CNTN5: variants seen among roughly 807,000 people sequenced by gnomAD.
The protein encoded by CNTN5 is contactin 5.
In CNTN5, 77 loss-of-function variants were observed where a neutral mutation model predicts 129.1. The ratio of observed to expected loss-of-function variants is 0.60; its 90% CI spans 0.50 to 0.72. CNTN5 has a LOEUF of 0.72. CNTN5 is among the 30% of genes least tolerant of loss of function. The pLI is 0.00. For synonymous variants in CNTN5, 509 were observed against 465.6 expected, an observed-to-expected ratio of 1.09 and a Z score of -1.20; for missense variants, 1,478 against 1,328.8, an observed-to-expected ratio of 1.11 and a Z score of -1.75.
At chr11:99,892,165 A>T (rs1202840500) in intron 6 of CNTN5, among the ~76,000 whole-genome samples, 4 of 151,968 alleles carry the variant, frequency 2.6e-5, no homozygotes, top group African/African-American at 7.3e-5. Flanking sequence ...CCACTTTTTG[A>T]TGGGGTTGTT....
intron 13 of CNTN5, among the ~76,000 whole-genome samples, chr11:100,164,883 C>A (rs1591341779): frequency 6.6e-6 from 1 of 151,780 alleles, no homozygotes; most frequent in Admixed American, 6.6e-5. Flanking sequence ...GATTGATAAT[C>A]CCTGACCTAT....
At chr11:99,254,064 T>A (rs1204082122) in intron 1 of CNTN5, among the ~76,000 whole-genome samples, 1 of 151,812 alleles carries the variant, frequency 6.6e-6, no homozygotes, top group East Asian at 1.9e-4. Context: ...ATTTAAAAGA[T>A]TGCAGTAACA....
chr11:99,568,437 T>C (rs1949074946), intron 3 of CNTN5, among the ~76,000 whole-genome samples: 1 of 152,216 alleles, frequency 6.6e-6, no homozygotes, highest in Non-Finnish European at 1.5e-5. Context: ...TATGCTTGCT[T>C]ATGGTAAGAA....
intron 2 of CNTN5, among the ~76,000 whole-genome samples, chr11:99,374,447 G>C (rs1225345819): frequency 6.6e-6 from 1 of 152,100 alleles, no homozygotes; most frequent in Non-Finnish European, 1.5e-5. Flanking sequence ...GATTTGGGAG[G>C]CCAAGGCCGG....
chr11:99,308,676 C>T (rs1864975625), intron 1 of CNTN5, among the ~76,000 whole-genome samples: 1 of 152,154 alleles, frequency 6.6e-6, no homozygotes, highest in Non-Finnish European at 1.5e-5. Flanking sequence ...CGTTATTTCT[C>T]CAAATATTGA....
chr11:99,714,609 T>C (rs573561500), intron 3 of CNTN5, among the ~76,000 whole-genome samples: 13 of 152,058 alleles, frequency 8.5e-5, no homozygotes, highest in Non-Finnish European at 1.8e-4. Context: ...CATTTAAATA[T>C]AGATTTTATT....
intron 2 of CNTN5, among the ~76,000 whole-genome samples, chr11:99,399,431 G>C (rs1271966575): frequency 6.6e-6 from 1 of 151,448 alleles, no homozygotes; most frequent in African/African-American, 2.4e-5. Flanking sequence ...CACATAAAAG[G>C]AACATTGAGC....
At chr11:99,788,048 ACCCC>A (rs1565532817) in intron 3 of CNTN5, among the ~76,000 whole-genome samples, 2 of 151,810 alleles carry the variant, frequency 1.3e-5, no homozygotes, top group Non-Finnish European at 2.9e-5. Context: ...TGTTCTTGGC[ACCCC>A]TCACATTCAT....
At chr11:99,818,767 C>G (rs903733800) in intron 3 of CNTN5, among the ~76,000 whole-genome samples, 4 of 152,084 alleles carry the variant, frequency 2.6e-5, no homozygotes, top group African/African-American at 9.7e-5. Context: ...GCAGGATGCT[C>G]AACCTTTCTA....
intron 1 of CNTN5, among the ~76,000 whole-genome samples, chr11:99,285,352 G>A (rs1174475930): frequency 1.3e-5 from 2 of 152,042 alleles, no homozygotes; most frequent in Non-Finnish European, 2.9e-5. Flanking sequence ...TACTCCTAGG[G>A]TTTTTCTTTT....
intron 2 of CNTN5, among the ~76,000 whole-genome samples, chr11:99,403,226 T>A (rs1941911933): frequency 6.6e-6 from 1 of 152,102 alleles, no homozygotes; most frequent in African/African-American, 2.4e-5. Context: ...GGTCTCAATC[T>A]CCTGACCTCG....
intron 7 of CNTN5, among the ~76,000 whole-genome samples, chr11:99,946,573 A>G (rs1045406961): frequency 6.6e-6 from 1 of 152,120 alleles, no homozygotes; most frequent in Non-Finnish European, 1.5e-5. Context: ...AATCCTAGAA[A>G]ACTACTGGGC....
At chr11:99,791,192 G>A (rs1378787948) in intron 3 of CNTN5, among the ~76,000 whole-genome samples, 2 of 151,846 alleles carry the variant, frequency 1.3e-5, no homozygotes, top group African/African-American at 4.8e-5. Flanking sequence ...ATTGATTTTG[G>A]GGGTCTTAGT....
intron 3 of CNTN5, among the ~76,000 whole-genome samples, chr11:99,690,317 T>C (rs939135614): frequency 3.3e-5 from 5 of 152,172 alleles, no homozygotes; most frequent in Non-Finnish European, 7.4e-5. Flanking sequence ...TACCATGCTA[T>C]TTTGGTTACT....
intron 2 of CNTN5, among the ~76,000 whole-genome samples, chr11:99,385,939 T>G (rs1940899196): frequency 6.6e-6 from 1 of 152,206 alleles, no homozygotes; most frequent in African/African-American, 2.4e-5. Flanking sequence ...ATGCATTTCC[T>G]GTATAACTAT....
At chr11:99,488,428 C>T (rs1712312513) in intron 2 of CNTN5, among the ~76,000 whole-genome samples, 1 of 152,086 alleles carries the variant, frequency 6.6e-6, no homozygotes, top group Admixed American at 6.6e-5. Context: ...GTCTTGGCCT[C>T]CCAAAGTGCT....
intron 1 of CNTN5, among the ~76,000 whole-genome samples, chr11:99,125,559 C>G (rs1286834841): frequency 2.0e-5 from 3 of 152,122 alleles, no homozygotes; most frequent in Non-Finnish European, 4.4e-5. Context: ...AGGATGCTCT[C>G]TCTCTCACCA....
intron 13 of CNTN5, among the ~76,000 whole-genome samples, chr11:100,143,516 G>A (rs1946761163): frequency 6.6e-6 from 1 of 152,072 alleles, no homozygotes; most frequent in African/African-American, 2.4e-5. Context: ...AGATTTTAAA[G>A]ACTCCACCTG....
At chr11:100,266,242 A>G (rs1389127259) in intron 17 of CNTN5, among the ~76,000 whole-genome samples, 1 of 152,090 alleles carries the variant, frequency 6.6e-6, no homozygotes, top group African/African-American at 2.4e-5. Context: ...AAACAGTCTT[A>G]GATGTGATTC....
Sources: gnomAD v4.1 joint callset for allele counts (sites outside exome capture counted in the v4.1 genomes callset) on GRCh38, gnomAD v4.1.1 for gene constraint, MANE v1.5 for transcripts, NCBI Gene and HGNC (gene_info 2026-07-23, HGNC 2026-07-21) for gene names.